Variants in RSPO2 observed in about 807,000 individuals in gnomAD.
RSPO2 encodes R-spondin-2.
RSPO2 carries 14 observed loss-of-function variants against 30.9 expected under a neutral mutation model. The observed-to-expected ratio is 0.45, with a 90% CI of 0.30 to 0.71. The LOEUF (loss-of-function observed/expected upper bound fraction) is 0.71, where lower values mean the gene tolerates loss of function less well. Among genes scored for constraint, RSPO2 ranks in the 30% least tolerant of loss-of-function variants. RSPO2 has a pLI of 0.08. For missense variants in RSPO2, 264 were observed against 301.9 expected, an observed-to-expected ratio of 0.87 and a Z score of 0.93; for synonymous variants, 107 against 96.4, an observed-to-expected ratio of 1.11 and a Z score of -0.64.
intron 5 of RSPO2, among the ~76,000 whole-genome samples, chr8:107,902,048 CTTTGTACACA>C (rs1349801342): frequency 1.3e-5 from 2 of 152,206 alleles, no homozygotes; most frequent in African/African-American, 4.8e-5. Flanking sequence ...AGGTCTCAAC[CTTTGTACACA>C]TAAGATTTTG....
At chr8:108,044,091 G>T (rs1016486276) in intron 2 of RSPO2, among the ~76,000 whole-genome samples, 3 of 151,664 alleles carry the variant, frequency 2.0e-5, no homozygotes, top group East Asian at 3.9e-4. Context: ...AGGTCCCAAT[G>T]GTTATGCCAC....
chr8:108,034,786 G>C (rs1030454773), intron 2 of RSPO2, among the ~76,000 whole-genome samples: 1 of 152,152 alleles, frequency 6.6e-6, no homozygotes, highest in African/African-American at 2.4e-5. Flanking sequence ...TTGTGAAATG[G>C]CCAGTCTGTG....
At chr8:107,997,053 G>GCT in intron 2 of RSPO2, 1 of 254,608 alleles carries the variant, frequency 3.9e-6, no homozygotes, top group Non-Finnish European at 7.9e-6. Context: ...CAGTGCTGAA[G>GCT]GACAAGAGCC....
intron 2 of RSPO2, among the ~76,000 whole-genome samples, chr8:108,006,143 A>G (rs768316508): frequency 3.3e-5 from 5 of 152,190 alleles, no homozygotes; most frequent in Non-Finnish European, 5.9e-5. Flanking sequence ...AAGTTTCTAA[A>G]TTAGAATATA....
At chr8:107,924,907 T>G (rs1241397416) in intron 5 of RSPO2, among the ~76,000 whole-genome samples, 2 of 151,850 alleles carry the variant, frequency 1.3e-5, no homozygotes, top group Non-Finnish European at 2.9e-5. Flanking sequence ...AAATGAAAGC[T>G]TTTAGCACAA....
chr8:107,983,656 CATGTGGAA>C lies in RSPO2; in HGVS notation c.283+5392_283+5399del. On this transcript the variant is annotated intron_variant, in intron 3 of 5. Transcript: ENST00000276659. Reference sequence around the variant, plus strand: ...AACCAAAATTGCAGATTTGAAGAGGCATGTGGAATTCCTTGTGGCAGAGAATTAAAGAT... The same window carrying C: ...AACCAAAATTGCAGATTTGAAGAGGCTTCCTTGTGGCAGAGAATTAAAGAT... The C allele has an allele frequency of 1.4e-5, 23 of 1,592,446 alleles. No individual in the cohort carries two copies. In the South Asian group the frequency reaches 2.5e-4, roughly 18 times the overall value.
chr8:108,082,666 C>A lies in RSPO2; in HGVS notation c.-28G>T, dbSNP rs1171528059. The A allele has an allele frequency of 6.3e-7, 1 of 1,582,126 alleles. No individual in the cohort carries two copies. Among genetic ancestry groups the A allele is most frequent in the Admixed American group, 1.7e-5 (1 of 59,810 alleles). On this transcript the variant is annotated 5_prime_UTR_variant, in exon 2 of 6. It adds an upstream start codon to the 5' untranslated region. Transcript: ENST00000276659. ...GGGCGGTCGGGCGGGGGAGAGACGC[C>A]TCTCAAAGTCTAGGAACTGGAGGGT... is the stretch of plus-strand genomic sequence containing the variant.
intron 2 of RSPO2, among the ~76,000 whole-genome samples, chr8:108,065,904 G>A (rs1235921736): frequency 1.3e-5 from 2 of 152,166 alleles, no homozygotes; most frequent in African/African-American, 2.4e-5. Flanking sequence ...TGGGCATGGT[G>A]GTGGGTGCCT....
At chr8:107,977,182 T>C (rs1814245835) in intron 3 of RSPO2, among the ~76,000 whole-genome samples, 1 of 152,224 alleles carries the variant, frequency 6.6e-6, no homozygotes. Context: ...CCTCATAATA[T>C]CCTCATATGC....
chr8:107,969,251 A>C (rs1813916431), intron 3 of RSPO2, among the ~76,000 whole-genome samples: 1 of 152,140 alleles, frequency 6.6e-6, no homozygotes, highest in Non-Finnish European at 1.5e-5. Context: ...CTATCTAGAA[A>C]TTTACATACT....
At chr8:108,024,435 TAA>T (rs557656370) in intron 2 of RSPO2, among the ~76,000 whole-genome samples, 1 of 141,268 alleles carries the variant, frequency 7.1e-6, no homozygotes, top group Non-Finnish European at 1.6e-5. Flanking sequence ...TACTGTTAAG[TAA>T]AAAAAAAAAG....
At chr8:107,955,560 T>C (rs1813397975) in intron 5 of RSPO2, among the ~76,000 whole-genome samples, 1 of 152,178 alleles carries the variant, frequency 6.6e-6, no homozygotes, top group Non-Finnish European at 1.5e-5. Context: ...CAGATATTAT[T>C]TGATTTTTTT....
rs1292551857 is a variant in RSPO2, at chr8:108,056,633, AAAAAAAAAAAG to A, written c.94+25901_94+25911del. On this transcript the variant is annotated intron_variant, in intron 2 of 5. Coordinates refer to ENST00000276659, the MANE Select transcript of RSPO2 (RefSeq NM_178565.5). ...GAGCCAGACCCGTCTCAAAAAAAAAAAAAAAAAAAAGAAAAGAAAAGAAAAAGAAAAAAGAA... is the reference window on the plus strand; with the variant it reads ...GAGCCAGACCCGTCTCAAAAAAAAAAAAAAGAAAAGAAAAAGAAAAAAGAA... 8.5e-4 allele frequency among the ~76,000 whole-genome samples: 129 copies of A among 150,914 alleles called. 3 individuals are homozygous for A. The East Asian group carries it at 0.021, about 25-fold the overall frequency.
At chr8:108,001,200 G>A (rs1032939586) in intron 2 of RSPO2, among the ~76,000 whole-genome samples, 1 of 151,780 alleles carries the variant, frequency 6.6e-6, no homozygotes, top group Non-Finnish European at 1.5e-5. Context: ...TCAAAAAAAG[G>A]AAAGAAATTC....
intron 5 of RSPO2, among the ~76,000 whole-genome samples, chr8:107,926,659 T>A (rs1812385252): frequency 6.6e-6 from 1 of 152,184 alleles, no homozygotes; most frequent in African/African-American, 2.4e-5. Context: ...GGGAATCCTT[T>A]CCCCATTGCT....
chr8:108,020,343 C>T (rs556076558), intron 2 of RSPO2, among the ~76,000 whole-genome samples: 1 of 152,314 alleles, frequency 6.6e-6, no homozygotes, highest in Admixed American at 6.5e-5. Context: ...CCAACTCTCA[C>T]ATCCATCTAA....
intron 2 of RSPO2, among the ~76,000 whole-genome samples, chr8:108,033,345 A>G (rs1312668352): frequency 6.6e-6 from 1 of 152,210 alleles, no homozygotes; most frequent in Non-Finnish European, 1.5e-5. Context: ...CCATGACCCC[A>G]GTCCAGCTGC....
At chr8:107,901,281 C>A in intron 5 of RSPO2, 91 bp from the exon 6 acceptor site, 5 of 1,416,672 alleles carry the variant, frequency 3.5e-6, no homozygotes, top group South Asian at 1.4e-5. Flanking sequence ...TGCACAAAGC[C>A]CATCTGGAAA....
chr8:107,901,521 A>G (rs907337231), intron 5 of RSPO2, among the ~76,000 whole-genome samples: 1 of 152,188 alleles, frequency 6.6e-6, no homozygotes. Context: ...ACCCTTTTCT[A>G]CACATCTTTA....
Sources: allele counts gnomAD v4.1 joint callset (sites outside exome capture counted in the v4.1 genomes callset), GRCh38; gene constraint gnomAD v4.1.1; transcripts MANE v1.5; gene names NCBI Gene and HGNC (gene_info 2026-07-23, HGNC 2026-07-21).